ASIC2: variants seen among roughly 807,000 people sequenced by gnomAD.
ASIC2 encodes the protein acid-sensing ion channel 2.
A neutral mutation model predicts 57.3 loss-of-function variants in ASIC2; 25 were observed. The observed-to-expected ratio is 0.44, with a 90% CI of 0.32 to 0.61. The LOEUF is 0.61. Among genes scored for constraint, ASIC2 ranks in the 20% least tolerant of loss-of-function variants. The probability of loss-of-function intolerance (pLI) is 0.06; values close to 1 mark genes in which losing one functional copy is unlikely to be tolerated. For synonymous variants in ASIC2, 319 were observed against 307.5 expected (o/e 1.04, Z -0.39); for missense variants, 641 against 738.1 (o/e 0.87, Z 1.52).
At chr17:34,109,188 A>G (rs1911178627) in intron 1 of ASIC2, among the ~76,000 whole-genome samples, 1 of 151,862 alleles carries the variant, frequency 6.6e-6, no homozygotes, top group African/African-American at 2.4e-5. Context: ...TTTTCTGGCA[A>G]CTTCTGTAAC....
chr17:34,125,422 G>A (rs980386978), intron 1 of ASIC2, among the ~76,000 whole-genome samples: 3 of 152,094 alleles, frequency 2.0e-5, no homozygotes, highest in African/African-American at 7.2e-5. Context: ...GCAGTCTTGG[G>A]GACAGCACCA....
At chr17:33,853,938 G>T (rs1261173930) in intron 1 of ASIC2, among the ~76,000 whole-genome samples, 1 of 152,094 alleles carries the variant, frequency 6.6e-6, no homozygotes, top group African/African-American at 2.4e-5. Flanking sequence ...AACTTCCCTT[G>T]CAGGTCTCTA....
intron 1 of ASIC2, among the ~76,000 whole-genome samples, chr17:34,092,949 T>C (rs1910384666): frequency 6.6e-6 from 1 of 152,234 alleles, no homozygotes; most frequent in African/African-American, 2.4e-5. Context: ...AATGGTATCA[T>C]AAAATATGCA....
At chr17:33,479,859 CTG>C (rs965585789) in intron 1 of ASIC2, among the ~76,000 whole-genome samples, 7 of 152,168 alleles carry the variant, frequency 4.6e-5, no homozygotes, top group Admixed American at 3.9e-4. Context: ...ATCTTTAAAA[CTG>C]TGTGCTCCCG....
chr17:34,020,728 A>T (rs1242746034), intron 1 of ASIC2, among the ~76,000 whole-genome samples: 2 of 152,098 alleles, frequency 1.3e-5, no homozygotes, highest in African/African-American at 4.8e-5. Flanking sequence ...CCAACAACCT[A>T]AAGGAGCTCA....
chr17:33,758,895 G>A (rs1321595906), intron 1 of ASIC2, among the ~76,000 whole-genome samples: 1 of 134,238 alleles, frequency 7.4e-6, no homozygotes, highest in Admixed American at 7.9e-5. Context: ...TCTGTTATCA[G>A]CAATAGAAAG....
rs561624850 is a variant in ASIC2 at position 33,267,261 on chromosome 17, T to C, written c.708+24147A>G. The stretch of plus-strand genomic sequence containing the variant: ...CCCCCCAGGAAGCAAGGAGTGTTGG[T>C]TTCCATTGGGAATAGTAAGAGATGG... On this transcript the variant is annotated intron_variant, in intron 1 of 9. Transcript: ENST00000225823. Among the ~76,000 whole-genome samples the C allele has an allele frequency of 2.0e-5, 3 of 152,264 alleles. No individual in the cohort carries two copies. The East Asian group carries it at 5.8e-4, about 29-fold the overall frequency.
chr17:33,543,286 T>TAAAACAAAAC (rs148641876), intron 1 of ASIC2, among the ~76,000 whole-genome samples: 80,619 of 140,490 alleles, frequency 0.57, 21,640 homozygotes, highest in African/African-American at 0.64. Flanking sequence ...TAAAGTATAA[T>TAAAACAAAAC]AAAACAAAAC....
intron 1 of ASIC2, among the ~76,000 whole-genome samples, chr17:33,772,622 A>T (rs1911146515): frequency 1.3e-5 from 2 of 152,232 alleles, no homozygotes; most frequent in African/African-American, 4.8e-5. Context: ...TGGTATACAA[A>T]GATACACTAT....
intron 1 of ASIC2, among the ~76,000 whole-genome samples, chr17:33,882,429 C>A (rs1346021437): frequency 2.6e-5 from 4 of 152,102 alleles, no homozygotes; most frequent in Non-Finnish European, 4.4e-5. Context: ...AAACAAACAA[C>A]CCCATCAAAA....
intron 1 of ASIC2, among the ~76,000 whole-genome samples, chr17:33,157,773 T>A (rs1249723948): frequency 6.6e-6 from 1 of 152,240 alleles, no homozygotes; most frequent in Admixed American, 6.5e-5. Context: ...GCACAGCAGC[T>A]GGAGTGCTAA....
intron 1 of ASIC2, among the ~76,000 whole-genome samples, chr17:34,146,283 T>A (rs1169586753): frequency 1.3e-5 from 2 of 152,166 alleles, no homozygotes; most frequent in Admixed American, 6.5e-5. Context: ...GAAAAAGGTA[T>A]TTTTTTCTTT....
At chr17:34,021,805 T>C (rs1392529527) in intron 1 of ASIC2, among the ~76,000 whole-genome samples, 2 of 151,248 alleles carry the variant, frequency 1.3e-5, no homozygotes, top group Non-Finnish European at 2.9e-5. Context: ...AGCCAGGGGC[T>C]TTTTTTTGTT....
chr17:33,863,519 T>C (rs1597906983), intron 1 of ASIC2, among the ~76,000 whole-genome samples: 1 of 152,288 alleles, frequency 6.6e-6, no homozygotes, highest in Non-Finnish European at 1.5e-5. Context: ...GCAGAACTTG[T>C]CTCCCACCTC....
chr17:34,048,735 C>A (rs186695767), intron 1 of ASIC2, among the ~76,000 whole-genome samples: 1 of 152,192 alleles, frequency 6.6e-6, no homozygotes, highest in Admixed American at 6.5e-5. Context: ...GAGGGCATGG[C>A]GTGCTATGTG....
chr17:33,159,351 C>CT (rs11376128), intron 1 of ASIC2, among the ~76,000 whole-genome samples: 71,179 of 151,656 alleles, frequency 0.47, 17,061 homozygotes, highest in East Asian at 0.53. Context: ...TCTCTGAGTT[C>CT]TTTTTTTTGC....
At chr17:33,906,440 T>C (rs1915351360) in intron 1 of ASIC2, among the ~76,000 whole-genome samples, 1 of 152,210 alleles carries the variant, frequency 6.6e-6, no homozygotes, top group Admixed American at 6.5e-5. Flanking sequence ...GAGTAAGTAT[T>C]CCACTCCTAA....
At chr17:33,593,503 GT>G (rs1357513792) in intron 1 of ASIC2, among the ~76,000 whole-genome samples, 1 of 152,214 alleles carries the variant, frequency 6.6e-6, no homozygotes, top group Non-Finnish European at 1.5e-5. Context: ...CTAAGGGTGG[GT>G]TTCTGAGCTA....
chr17:33,705,502 T>C (rs916686967), intron 1 of ASIC2, among the ~76,000 whole-genome samples: 1 of 152,190 alleles, frequency 6.6e-6, no homozygotes, highest in East Asian at 1.9e-4. Context: ...AGGTGGGCCC[T>C]AAATGTAATC....
Sources: gnomAD v4.1 joint callset for allele counts (sites outside exome capture counted in the v4.1 genomes callset) on GRCh38, gnomAD v4.1.1 for gene constraint, MANE v1.5 for transcripts, NCBI Gene and HGNC (gene_info 2026-07-23, HGNC 2026-07-21) for gene names.